PSTPIP2: variants seen among roughly 807,000 people sequenced by gnomAD.
PSTPIP2 encodes proline-serine-threonine phosphatase-interacting protein 2.
Under a neutral mutation model 63.3 loss-of-function variants are expected in PSTPIP2, and 33 were observed. The observed-to-expected ratio is 0.52, with a 90% CI of 0.40 to 0.70. The LOEUF (loss-of-function observed/expected upper bound fraction) is 0.70, where lower values mean the gene tolerates loss of function less well. Among genes scored for constraint, PSTPIP2 ranks in the 30% least tolerant of loss-of-function variants. The probability of loss-of-function intolerance (pLI) is 0.00; values close to 1 mark genes in which losing one functional copy is unlikely to be tolerated. For missense variants in PSTPIP2, 312 were observed against 400.7 expected (o/e 0.78, Z 1.89); for synonymous variants, 125 against 132.7 (o/e 0.94, Z 0.40).
intron 2 of PSTPIP2, chr18:46,029,067 A>C (rs895360590): frequency 1.4e-4 from 108 of 794,524 alleles, no homozygotes; most frequent in Admixed American, 3.6e-5. Context: ...AAATCCTAAA[A>C]TCCAGAGCAC....
chr18:46,005,440 C>T (rs1223821335), intron 6 of PSTPIP2, 29 bp downstream of exon 6: 3 of 1,535,726 alleles, frequency 2.0e-6, no homozygotes, highest in Non-Finnish European at 2.7e-6. Flanking sequence ...TCACCATTAT[C>T]CCAAAAAAGA....
intron 12 of PSTPIP2, among the ~76,000 whole-genome samples, chr18:45,991,063 G>C (rs113447934): frequency 6.6e-6 from 1 of 152,124 alleles, no homozygotes; most frequent in Admixed American, 6.5e-5. Flanking sequence ...TTGAACATCC[G>C]CATCCTCATA....
chr18:46,027,519 T>C (rs1009425682), intron 2 of PSTPIP2, among the ~76,000 whole-genome samples: 1 of 151,298 alleles, frequency 6.6e-6, no homozygotes, highest in Non-Finnish European at 1.5e-5. Context: ...GGAAACCCTG[T>C]CTCTACAAAA....
At position 45,984,702 on chromosome 18, in the gene PSTPIP2, A is replaced by G. The variant is rs769840514; in HGVS notation, c.*757T>C. 3.9e-5 allele frequency: 6 copies of G among 152,208 alleles called. No homozygotes were observed. The highest frequency in any genetic ancestry group is 8.8e-5 in the Non-Finnish European group (6 of 68,030). 9.4% of individuals were successfully genotyped at this position (152,208 alleles called of 1,614,324 possible). On this transcript the variant is annotated 3_prime_UTR_variant, in exon 15 of 15. Coordinates refer to ENST00000409746, the MANE Select transcript of PSTPIP2 (RefSeq NM_024430.4). ...GGCTCCTTAAATTAGATTAAACATC[A>G]TGCTCTGTAGTTCAGCATACACAGG...
In PSTPIP2 at chr18:45,993,479, G is replaced by A. The variant is rs536489476; in HGVS notation, c.741+126C>T. ...ATCTGCATCCTTCTGTCAACTCACT[G>A]TATGGCCTTAGGCAAGTCACCTTAC... On this transcript the variant is annotated intron_variant, in intron 10 of 14. Transcript: ENST00000409746. 9 of 781,738 alleles carry A rather than the reference G, an allele frequency of 1.2e-5. No homozygotes were observed. In the East Asian group the frequency reaches 2.2e-4, roughly 19 times the overall value. The allele number at this position is 781,738 out of a possible 1,614,324, so 48.4% of individuals were successfully genotyped here.
At chr18:46,049,048 GTGTGTGT>G (rs1179802290) in intron 1 of PSTPIP2, among the ~76,000 whole-genome samples, 9 of 143,256 alleles carry the variant, frequency 6.3e-5, no homozygotes, top group East Asian at 2.0e-4. Flanking sequence ...GTGTGTGTGT[GTGTGTGT>G]GGAGAGAGAG....
intron 3 of PSTPIP2, among the ~76,000 whole-genome samples, chr18:46,016,601 A>C (rs1450736451): frequency 6.6e-6 from 1 of 152,242 alleles, no homozygotes; most frequent in Non-Finnish European, 1.5e-5. Flanking sequence ...GACATTAAAC[A>C]AATCGTATCC....
At chr18:46,029,802 C>T (rs1189343611) in intron 2 of PSTPIP2, 1 of 489,538 alleles carries the variant, frequency 2.0e-6, no homozygotes, top group East Asian at 4.2e-5. Context: ...GAGGTGGATA[C>T]TTTGCCTTGG....
intron 3 of PSTPIP2, among the ~76,000 whole-genome samples, chr18:46,020,231 G>A (rs1907294653): frequency 6.6e-6 from 1 of 152,174 alleles, no homozygotes; most frequent in African/African-American, 2.4e-5. Flanking sequence ...CTCCCTCACT[G>A]TGGAAAAGGA....
At chr18:46,040,120 A>G in intron 1 of PSTPIP2, 73 bp from the exon 2 acceptor site, 1 of 1,264,526 alleles carries the variant, frequency 7.9e-7, no homozygotes, top group Non-Finnish European at 1.1e-6. Flanking sequence ...AGATAAGACA[A>G]AAGAGGTGGG....
rs111681431 is a variant in PSTPIP2 at position 46,019,672 on chromosome 18, G to C, written c.213-3735C>G. 9.1e-3 allele frequency among the ~76,000 whole-genome samples: 1,390 copies of C among 152,240 alleles called. 20 individuals carry two copies. Among genetic ancestry groups the C allele is most frequent in the Admixed American group, 0.032 (484 of 15,300 alleles). ...AAAAATTACCCAGGTGTGGTGGCAC[G>C]TGCCGGTAATCCCAGCTACTTGGGA... is the stretch of plus-strand genomic sequence containing the variant. On this transcript the variant is annotated intron_variant, in intron 3 of 14. Coordinates refer to ENST00000409746, the MANE Select transcript of PSTPIP2 (RefSeq NM_024430.4).
chr18:46,057,609 C>T (rs1459112424), intron 1 of PSTPIP2, among the ~76,000 whole-genome samples: 2 of 152,054 alleles, frequency 1.3e-5, no homozygotes, highest in Non-Finnish European at 2.9e-5. Context: ...GGATTACAGG[C>T]GTGCCCCACT....
In PSTPIP2 at chr18:46,067,137, C is replaced by A. The variant is rs569058472; in HGVS notation, c.33+5019G>T. On this transcript the variant is annotated intron_variant, in intron 1 of 14. Transcript: ENST00000409746. ...AGGTAATTGTTCATGACTCTATCTT[C>A]CCTTTTGCCACTAGGCAAGACAAAA... Among the ~76,000 whole-genome samples, 3 of 152,280 alleles carry A rather than the reference C, an allele frequency of 2.0e-5. No homozygotes were observed. The South Asian group carries it at 6.2e-4, about 32-fold the overall frequency.
intron 3 of PSTPIP2, among the ~76,000 whole-genome samples, chr18:46,023,485 G>C (rs1420144047): frequency 6.6e-6 from 1 of 152,090 alleles, no homozygotes; most frequent in African/African-American, 2.4e-5. Context: ...CTGGAACCCG[G>C]GAGGCAGAAT....
chr18:46,023,937 G>T (rs960232690), intron 3 of PSTPIP2, among the ~76,000 whole-genome samples: 1 of 151,666 alleles, frequency 6.6e-6, no homozygotes, highest in African/African-American at 2.4e-5. Context: ...CCTACGAAAA[G>T]GTGTACATAT....
intron 1 of PSTPIP2, among the ~76,000 whole-genome samples, chr18:46,055,505 G>T (rs190385346): frequency 1.6e-4 from 24 of 152,082 alleles, no homozygotes; most frequent in Middle Eastern, 6.8e-3. Flanking sequence ...TATTTTTTTC[G>T]TTGAGGTTTC....
intron 2 of PSTPIP2, among the ~76,000 whole-genome samples, chr18:46,035,863 T>C (rs899461070): frequency 6.6e-6 from 1 of 152,146 alleles, no homozygotes; most frequent in African/African-American, 2.4e-5. Flanking sequence ...TACACTTCTG[T>C]GCCAAGAAAC....
chr18:46,039,288 C>T (rs1238159121), intron 2 of PSTPIP2, among the ~76,000 whole-genome samples: 1 of 151,940 alleles, frequency 6.6e-6, no homozygotes, highest in Non-Finnish European at 1.5e-5. Flanking sequence ...AAAGAAAATC[C>T]TCTAAACCAT....
chr18:46,016,503 C>G (rs2051853585), intron 3 of PSTPIP2, among the ~76,000 whole-genome samples: 1 of 152,218 alleles, frequency 6.6e-6, no homozygotes, highest in South Asian at 2.1e-4. Flanking sequence ...TGACCATAAA[C>G]CATGGGCCAG....
Sources: gnomAD v4.1 joint callset for allele counts (sites outside exome capture counted in the v4.1 genomes callset) on GRCh38, gnomAD v4.1.1 for gene constraint, MANE v1.5 for transcripts, NCBI Gene and HGNC (gene_info 2026-07-23, HGNC 2026-07-21) for gene names.